SH3GL3: variants seen among roughly 807,000 people sequenced by gnomAD.
SH3GL3 encodes the protein endophilin-A3.
SH3GL3 carries 33 observed loss-of-function variants against 47.7 expected under a neutral mutation model. The ratio of observed to expected loss-of-function variants is 0.69; its 90% CI spans 0.52 to 0.92. The LOEUF is 0.92. SH3GL3 is among the 40% of genes least tolerant of loss of function. The pLI is 0.00. For synonymous variants in SH3GL3, 155 were observed against 148.8 expected (o/e 1.04, Z -0.30); for missense variants, 363 against 417.8 (o/e 0.87, Z 1.14).
chr15:83,583,839 G>A (rs564187338), intron 6 of SH3GL3, among the ~76,000 whole-genome samples: 1 of 152,216 alleles, frequency 6.6e-6, no homozygotes, highest in African/African-American at 2.4e-5. Flanking sequence ...GAAGTCCCCA[G>A]GCCCAGCCAC....
intron 8 of SH3GL3, among the ~76,000 whole-genome samples, chr15:83,591,016 TC>T (rs2060081821): frequency 6.6e-6 from 1 of 152,202 alleles, no homozygotes; most frequent in Non-Finnish European, 1.5e-5. Context: ...CTTTTCTTTT[TC>T]TTTTTTTTGA....
chr15:83,458,214 C>T (rs2040093242), intron 1 of SH3GL3, among the ~76,000 whole-genome samples: 1 of 152,158 alleles, frequency 6.6e-6, no homozygotes, highest in South Asian at 2.1e-4. Flanking sequence ...AAGTGTTGAG[C>T]TGAGGGGAGA....
intron 6 of SH3GL3, among the ~76,000 whole-genome samples, chr15:83,577,530 A>G (rs2059715905): frequency 6.6e-6 from 1 of 152,056 alleles, no homozygotes; most frequent in Non-Finnish European, 1.5e-5. Flanking sequence ...CCTCCTGGAT[A>G]GCTGGGATCA....
rs2040556027 is a variant in SH3GL3, at chr15:83,466,091, A to G, written c.45+18513A>G. On this transcript the variant is annotated intron_variant, in intron 1 of 8. Coordinates refer to ENST00000427482, the MANE Select transcript of SH3GL3 (RefSeq NM_003027.5). ...CTACTATTTTTTTCTTCATTTCTAT[A>G]ATTTTGTCATTGCAGGAATATTATA... 2.6e-5 allele frequency among the ~76,000 whole-genome samples: 4 copies of G among 152,188 alleles called. No homozygotes were observed. In the South Asian group the frequency reaches 8.3e-4, roughly 32 times the overall value.
chr15:83,517,349 C>T (rs2043027736), intron 1 of SH3GL3, among the ~76,000 whole-genome samples: 1 of 151,840 alleles, frequency 6.6e-6, no homozygotes, highest in South Asian at 2.1e-4. Context: ...GGATTACAGG[C>T]CTCCACTACC....
chr15:83,570,949 C>T (rs773038213), intron 4 of SH3GL3, among the ~76,000 whole-genome samples: 8 of 152,262 alleles, frequency 5.3e-5, no homozygotes, highest in Non-Finnish European at 8.8e-5. Context: ...CTGGCCTTGG[C>T]GACAGCCAGA....
At chr15:83,520,919 C>G (rs566129235) in intron 1 of SH3GL3, among the ~76,000 whole-genome samples, 1 of 152,166 alleles carries the variant, frequency 6.6e-6, no homozygotes, top group East Asian at 1.9e-4. Context: ...TGTTGTGTAT[C>G]TTAAACATAT....
chr15:83,491,275 T>C (rs770111734), intron 1 of SH3GL3, among the ~76,000 whole-genome samples: 3 of 152,220 alleles, frequency 2.0e-5, no homozygotes, highest in Non-Finnish European at 2.9e-5. Context: ...CTTGGAAAAT[T>C]AACCAAAATG....
chr15:83,578,461 A>T (rs2059743924), intron 6 of SH3GL3, among the ~76,000 whole-genome samples: 1 of 152,232 alleles, frequency 6.6e-6, no homozygotes, highest in East Asian at 1.9e-4. Flanking sequence ...GAGGTCTTAC[A>T]TCCTTTGAGT....
At chr15:83,534,163 A>C (rs898436916) in intron 1 of SH3GL3, among the ~76,000 whole-genome samples, 1 of 151,878 alleles carries the variant, frequency 6.6e-6, no homozygotes, top group African/African-American at 2.4e-5. Context: ...TTTGGCCTCT[A>C]TTTTCTCTCT....
chr15:83,469,289 T>G (rs1046371334), intron 1 of SH3GL3, among the ~76,000 whole-genome samples: 4 of 152,166 alleles, frequency 2.6e-5, no homozygotes, highest in Non-Finnish European at 2.9e-5. Flanking sequence ...TTGTTTTATT[T>G]TCTCAATTGT....
At chr15:83,536,564 G>C (rs576376747) in intron 1 of SH3GL3, among the ~76,000 whole-genome samples, 1 of 151,526 alleles carries the variant, frequency 6.6e-6, no homozygotes, top group Non-Finnish European at 1.5e-5. Context: ...CACCATGCCC[G>C]GCTAATTTTT....
chr15:83,490,266 T>G (rs1009276887), intron 1 of SH3GL3, among the ~76,000 whole-genome samples: 2 of 124,194 alleles, frequency 1.6e-5, no homozygotes, highest in Admixed American at 1.5e-4. Context: ...TGATTTTGCG[T>G]TTTTTTTTTT....
At chr15:83,585,695 T>C (rs1307674264) in intron 6 of SH3GL3, among the ~76,000 whole-genome samples, 1 of 152,202 alleles carries the variant, frequency 6.6e-6, no homozygotes, top group Non-Finnish European at 1.5e-5. Context: ...TATTGGGTTT[T>C]TGGAAATTTA....
chr15:83,517,180 CTTTCTTTTCTTTTTCT>C (rs2043014462), intron 1 of SH3GL3, among the ~76,000 whole-genome samples: 1 of 147,060 alleles, frequency 6.8e-6, no homozygotes, highest in Admixed American at 6.9e-5. Flanking sequence ...ATGTGACTTT[CTTTCTTTTCTTTTTCT>C]TTTCTTTTCT....
chr15:83,587,341 T>G (rs746440524), intron 7 of SH3GL3, among the ~76,000 whole-genome samples: 1 of 152,102 alleles, frequency 6.6e-6, no homozygotes, highest in Non-Finnish European at 1.5e-5. Context: ...TCCCTTTTTT[T>G]TGTGACCCGT....
the SH3GL3 span, among the ~76,000 whole-genome samples, chr15:83,628,730 G>C: frequency 1.1e-4 from 16 of 152,184 alleles, no homozygotes; most frequent in African/African-American, 3.1e-4. Context: ...CTGGGTGACA[G>C]AGCGAGACTC....
At chr15:83,516,596 C>T (rs1247731361) in intron 1 of SH3GL3, among the ~76,000 whole-genome samples, 3 of 152,144 alleles carry the variant, frequency 2.0e-5, no homozygotes, top group South Asian at 2.1e-4. Context: ...GCAGCAGGCA[C>T]GTCACATGGC....
chr15:83,504,550 C>T (rs1217829542), intron 1 of SH3GL3, among the ~76,000 whole-genome samples: 1 of 152,214 alleles, frequency 6.6e-6, no homozygotes. Flanking sequence ...AGCCAGTTGC[C>T]ATGTCTTGAC....
Sources: gnomAD v4.1 joint callset for allele counts (sites outside exome capture counted in the v4.1 genomes callset) on GRCh38, gnomAD v4.1.1 for gene constraint, MANE v1.5 for transcripts, NCBI Gene and HGNC (gene_info 2026-07-23, HGNC 2026-07-21) for gene names.